INPP5B: variants seen among roughly 807,000 people sequenced by gnomAD.
INPP5B encodes the protein type II inositol 1,4,5-trisphosphate 5-phosphatase.
A neutral mutation model predicts 118.5 loss-of-function variants in INPP5B; 90 were observed. The ratio of observed to expected loss-of-function variants is 0.76; its 90% CI spans 0.64 to 0.90. The LOEUF is 0.90. INPP5B is among the 40% of genes least tolerant of loss of function. The probability of loss-of-function intolerance (pLI) is 0.00; values close to 1 mark genes in which losing one functional copy is unlikely to be tolerated. For missense variants in INPP5B, 984 were observed against 1,125.6 expected (o/e 0.87, Z 1.80); for synonymous variants, 385 against 418.9 (o/e 0.92, Z 0.99).
intron 7 of INPP5B, among the ~76,000 whole-genome samples, chr1:37,919,551 A>G (rs1644983562): frequency 6.6e-6 from 1 of 152,192 alleles, no homozygotes; most frequent in Non-Finnish European, 1.5e-5. Context: ...TCATGGGGAA[A>G]TAAACCACTC....
chr1:37,921,843 C>CAGTG (rs1645065141), intron 7 of INPP5B, among the ~76,000 whole-genome samples: 1 of 151,946 alleles, frequency 6.6e-6, no homozygotes, highest in East Asian at 1.9e-4. Flanking sequence ...AACTCCGTCT[C>CAGTG]TACTAATACA....
At position 37,900,818 on chromosome 1, in the gene INPP5B, G is replaced by T. The variant is rs531729909; in HGVS notation, c.533-9364C>A. On this transcript the variant is annotated intron_variant, in intron 7 of 23. Coordinates refer to ENST00000373024, the MANE Select transcript of INPP5B (RefSeq NM_005540.3). Reference sequence around the variant, plus strand: ...TAATTTTTGTTTTCGGTTTTTGTTTGTTTTTTTTTTGAGACAGAGTCTCTC... The same window carrying T: ...TAATTTTTGTTTTCGGTTTTTGTTTTTTTTTTTTTTGAGACAGAGTCTCTC... Among the ~76,000 whole-genome samples, 1,339 of 141,690 alleles carry T rather than the reference G, an allele frequency of 9.5e-3. 22 individuals are homozygous for T. The highest frequency in any genetic ancestry group is 0.033 in the African/African-American group (1,272 of 38,804). The allele number at this position is 141,690 out of a possible 152,430, so 93.0% of individuals were successfully genotyped here. A position where few individuals can be genotyped will look rare whatever the true frequency, so the allele number is the denominator to read the frequency against.
chr1:37,932,427 G>A (rs968780551), intron 6 of INPP5B, among the ~76,000 whole-genome samples: 2 of 144,650 alleles, frequency 1.4e-5, no homozygotes, highest in African/African-American at 5.1e-5. Flanking sequence ...GGAGTGCAGT[G>A]GAGCGATCTC....
intron 7 of INPP5B, 76 bp downstream of exon 7, chr1:37,931,837 C>CA: frequency 1.2e-6 from 2 of 1,611,304 alleles, no homozygotes; most frequent in Non-Finnish European, 1.7e-6. Context: ...CGCTCCGCCC[C>CA]AAAACAGAAC....
At chr1:37,936,908 G>A (rs745521480) in intron 6 of INPP5B, among the ~76,000 whole-genome samples, 2 of 151,786 alleles carry the variant, frequency 1.3e-5, no homozygotes, top group African/African-American at 2.4e-5. Context: ...TGGCGCTATC[G>A]TTTACCAGCT....
chr1:37,867,655 T>TA (rs982370981), intron 20 of INPP5B, among the ~76,000 whole-genome samples: 6 of 152,090 alleles, frequency 3.9e-5, no homozygotes, highest in Non-Finnish European at 7.4e-5. Context: ...TATATTTTTT[T>TA]AAAAAAAGGA....
At chr1:37,881,268 T>TAATAG (rs1423598584) in intron 14 of INPP5B, among the ~76,000 whole-genome samples, 2 of 152,252 alleles carry the variant, frequency 1.3e-5, no homozygotes, top group Non-Finnish European at 2.9e-5. Flanking sequence ...TTTGGATTTA[T>TAATAG]AATAGAATCT....
chr1:37,915,612 T>C (rs1644836559), intron 7 of INPP5B, among the ~76,000 whole-genome samples: 1 of 152,244 alleles, frequency 6.6e-6, no homozygotes, highest in African/African-American at 2.4e-5. Context: ...TCTGTGTGCA[T>C]AGATACCACA....
At chr1:37,943,924 G>A (rs1198328711) in intron 3 of INPP5B, 31 bp from the exon 4 acceptor site, 1 of 1,514,956 alleles carries the variant, frequency 6.6e-7, no homozygotes, top group Non-Finnish European at 9.2e-7. Context: ...TGAGGATGGG[G>A]GCCCGCTGGC....
chr1:37,886,969 C>A lies in INPP5B; in HGVS notation c.1050G>T (p.Leu350=), dbSNP rs781631488. 14 of 1,614,178 alleles carry A rather than the reference C, an allele frequency of 8.7e-6. No individual in the cohort carries two copies. The East Asian group carries it at 3.1e-4, about 36-fold the overall frequency. Residue 350 remains leucine (L), a synonymous_variant, in exon 12 of 24, where the codon CTG becomes CTT. Coordinates refer to ENST00000373024, the MANE Select transcript of INPP5B (RefSeq NM_005540.3). ...CTGCATGCTCCTGTTTGACATATAA[C>A]AGCAGCATAATCCCAACCAGTCGGA... ...KLIRLVGIML[L]LYVKQEHAAY... is the part of the protein sequence containing the mutation.
chr1:37,940,536 G>A lies in INPP5B; in HGVS notation c.391+152C>T, dbSNP rs191020493. ...ACAAAAGCAAACACCATGGTTGGCT[G>A]GCAGCCTGGGGGCACTATGGCTTTA... is the stretch of plus-strand genomic sequence containing the variant. On this transcript the variant is annotated intron_variant, in intron 6 of 23. Coordinates refer to ENST00000373024, the MANE Select transcript of INPP5B (RefSeq NM_005540.3). 4.8e-4 allele frequency: 279 copies of A among 584,134 alleles called. 2 individuals carry two copies. The highest frequency in any genetic ancestry group is 3.2e-3 in the Middle Eastern group (8 of 2,518). The allele number at this position is 584,134 out of a possible 1,614,324, so 36.2% of individuals were successfully genotyped here.
chr1:37,891,473 A>C lies in INPP5B; in HGVS notation c.533-19T>G, dbSNP rs766069933. 1.3e-6 allele frequency: 2 copies of C among 1,545,726 alleles called. No individual in the cohort carries two copies. Among genetic ancestry groups the C allele is most frequent in the South Asian group, 2.2e-5 (2 of 89,508 alleles). Reference sequence around the variant, plus strand: ...GAACCACCTAAAGGGAAGGAGAAGAAATTAAAATATACATACATAGGCTGG... The same window carrying C: ...GAACCACCTAAAGGGAAGGAGAAGACATTAAAATATACATACATAGGCTGG... On this transcript the variant is annotated intron_variant, in intron 7 of 23. Transcript: ENST00000373024.
chr1:37,876,744 C>T (rs56121826), intron 16 of INPP5B, among the ~76,000 whole-genome samples: 29,675 of 144,202 alleles, frequency 0.21, 3,835 homozygotes, highest in Non-Finnish European at 0.28. Flanking sequence ...GGTGTGGTGG[C>T]GGGCGCCTGC....
In INPP5B at chr1:37,931,899, G is replaced by A. The variant is rs768399695; in HGVS notation, c.532+14C>T. The A allele has an allele frequency of 1.9e-6, 3 of 1,613,820 alleles. No individual in the cohort carries two copies. The highest frequency in any genetic ancestry group is 2.7e-5 in the African/African-American group (2 of 74,912). The stretch of plus-strand genomic sequence containing the variant: ...CCTCCAATCCCCACCGTTTCTTCCG[G>A]GACGGATACCTGCCTCCGCCAATTG... On this transcript the variant is annotated intron_variant, in intron 7 of 23. Coordinates refer to ENST00000373024, the MANE Select transcript of INPP5B (RefSeq NM_005540.3).
chr1:37,939,086 C>T (rs1015516115), intron 6 of INPP5B, among the ~76,000 whole-genome samples: 3 of 151,248 alleles, frequency 2.0e-5, no homozygotes, highest in Non-Finnish European at 2.9e-5. Context: ...CCCAGCTACT[C>T]GGGAGGCTGA....
intron 6 of INPP5B, among the ~76,000 whole-genome samples, chr1:37,934,727 G>T (rs1359682581): frequency 6.6e-6 from 1 of 152,116 alleles, no homozygotes; most frequent in African/African-American, 2.4e-5. Flanking sequence ...CCCAGGTGTG[G>T]TGTGGACCCC....
At chr1:37,905,175 C>T (rs991220465) in intron 7 of INPP5B, among the ~76,000 whole-genome samples, 6 of 152,236 alleles carry the variant, frequency 3.9e-5, no homozygotes, top group East Asian at 1.9e-4. Flanking sequence ...CCAAGGCAGG[C>T]GGATCACCTG....
intron 6 of INPP5B, among the ~76,000 whole-genome samples, chr1:37,932,602 C>T (rs1288532827): frequency 6.6e-6 from 1 of 152,124 alleles, no homozygotes; most frequent in East Asian, 1.9e-4. Context: ...CTCCTGACCT[C>T]ATGATCCACC....
At position 37,943,798 on chromosome 1, in the gene INPP5B, T is replaced by C. The variant is rs780783066; in HGVS notation, c.248A>G (p.Glu83Gly). The change falls in exon 4 of 24, where the codon GAA becomes GGA. Residue 83 changes from glutamate (E) to glycine (G), a missense_variant and splice_region_variant. Around this residue, in one of 2 missense-constraint regions of INPP5B, gnomAD observed 350 missense variants for 334.6 expected, o/e 1.05. Transcript: ENST00000373024. ...VPVSRDFTLE[E>G]VSPDGELYIL... ...TACCACCCAGCCCCCTGTGGCACCT[T>C]CTTCCAGCGTAAAATCCCGCGAGAC... 2 of 1,613,984 alleles carry C rather than the reference T, an allele frequency of 1.2e-6. No homozygotes were observed. Among genetic ancestry groups the C allele is most frequent in the South Asian group, 2.2e-5 (2 of 91,066 alleles).
Sources: gnomAD v4.1 joint callset for allele counts (sites outside exome capture counted in the v4.1 genomes callset) on GRCh38, gnomAD v4.1.1 for gene constraint, gnomAD v4.1.1 regional missense constraint, MANE v1.5 for transcripts, NCBI Gene and HGNC (gene_info 2026-07-23, HGNC 2026-07-21) for gene names.